SLC25A13: variants seen among roughly 807,000 people sequenced by gnomAD.
SLC25A13 encodes the protein electrogenic aspartate/glutamate antiporter SLC25A13, mitochondrial.
A neutral mutation model predicts 85.5 loss-of-function variants in SLC25A13; 70 were observed. That is an observed-to-expected ratio of 0.82 (90% CI 0.68 to 1.00). The LOEUF (loss-of-function observed/expected upper bound fraction) is 1.00. Among genes scored for constraint, SLC25A13 ranks in the 50% least tolerant of loss-of-function variants. SLC25A13 has a pLI of 0.00. For synonymous variants in SLC25A13, 259 were observed against 288.7 expected (o/e 0.90, Z 1.04); for missense variants, 765 against 819.8 (o/e 0.93, Z 0.82).
intron 3 of SLC25A13, among the ~76,000 whole-genome samples, chr7:96,252,974 A>G (rs1797492696): frequency 6.6e-6 from 1 of 152,162 alleles, no homozygotes; most frequent in African/African-American, 2.4e-5. Flanking sequence ...TGCTCCTGTT[A>G]TTCCAGCTAC....
In SLC25A13 at chr7:96,181,742, A is replaced by C. The variant is rs11981258; in HGVS notation, c.1177+2535T>G. ...TTGAGCAAAATTCTGTAATACTAAA[A>C]ACTATGCTCAATATTTAAAAACATG... On this transcript the variant is annotated intron_variant, in intron 11 of 17. Transcript: ENST00000265631. Among the ~76,000 whole-genome samples the C allele has an allele frequency of 4.4e-3, 667 of 152,306 alleles. 6 individuals carry two copies. Among genetic ancestry groups the C allele is most frequent in the African/African-American group, 0.015 (637 of 41,564 alleles).
chr7:96,289,258 C>T (rs1486181617), intron 2 of SLC25A13, among the ~76,000 whole-genome samples: 2 of 152,108 alleles, frequency 1.3e-5, no homozygotes, highest in African/African-American at 2.4e-5. Context: ...CCCATCTGTA[C>T]GTCACCATCA....
At chr7:96,299,843 C>T (rs1016478017) in intron 1 of SLC25A13, among the ~76,000 whole-genome samples, 1 of 152,168 alleles carries the variant, frequency 6.6e-6, no homozygotes, top group Non-Finnish European at 1.5e-5. Context: ...CAAATCTATA[C>T]AGCATGTTCC....
At chr7:96,293,903 C>A (rs1180936560) in intron 2 of SLC25A13, among the ~76,000 whole-genome samples, 1 of 152,088 alleles carries the variant, frequency 6.6e-6, no homozygotes, top group African/African-American at 2.4e-5. Flanking sequence ...CTAGAAATAC[C>A]ATTTGACCCA....
intron 11 of SLC25A13, among the ~76,000 whole-genome samples, chr7:96,173,594 A>C (rs1794097564): frequency 6.6e-6 from 1 of 151,944 alleles, no homozygotes; most frequent in African/African-American, 2.4e-5. Flanking sequence ...TTTATTTTTA[A>C]CAAAGAGATA....
intron 2 of SLC25A13, among the ~76,000 whole-genome samples, chr7:96,278,714 C>G (rs942977131): frequency 1.3e-5 from 2 of 152,140 alleles, no homozygotes; most frequent in African/African-American, 4.8e-5. Context: ...TATTGTCTTA[C>G]AGTTAACATT....
chr7:96,135,468 C>G (rs1327447334), intron 14 of SLC25A13, among the ~76,000 whole-genome samples: 1 of 152,212 alleles, frequency 6.6e-6, no homozygotes, highest in Non-Finnish European at 1.5e-5. Flanking sequence ...TTAGGCAATA[C>G]CTGACCTGTT....
chr7:96,217,525 A>G (rs1028766076), intron 4 of SLC25A13, among the ~76,000 whole-genome samples: 3 of 152,224 alleles, frequency 2.0e-5, no homozygotes, highest in Non-Finnish European at 2.9e-5. Flanking sequence ...TGACCTATCT[A>G]TATCTACACA....
At chr7:96,228,307 T>C (rs1161599700) in intron 4 of SLC25A13, among the ~76,000 whole-genome samples, 4 of 152,228 alleles carry the variant, frequency 2.6e-5, no homozygotes, top group South Asian at 2.1e-4. Context: ...CTGTGAAACA[T>C]ATAACCCTCA....
intron 13 of SLC25A13, among the ~76,000 whole-genome samples, chr7:96,166,057 G>A (rs1049360988): frequency 1.3e-5 from 2 of 152,228 alleles, no homozygotes; most frequent in African/African-American, 4.8e-5. Context: ...TTATAGGGGA[G>A]TGTAATTAAG....
chr7:96,316,410 G>C (rs374693317), intron 1 of SLC25A13, among the ~76,000 whole-genome samples: 5 of 152,126 alleles, frequency 3.3e-5, no homozygotes, highest in African/African-American at 1.2e-4. Flanking sequence ...GGTGTTCTAA[G>C]ATAAGAACTA....
chr7:96,243,531 C>T (rs1402793289), intron 3 of SLC25A13, among the ~76,000 whole-genome samples: 3 of 152,104 alleles, frequency 2.0e-5, no homozygotes, highest in South Asian at 2.1e-4. Flanking sequence ...GTAGAGGGGC[C>T]TAAACACTCA....
intron 15 of SLC25A13, among the ~76,000 whole-genome samples, chr7:96,128,941 TCTC>T (rs1229103522): frequency 2.0e-5 from 2 of 98,420 alleles, no homozygotes; most frequent in African/African-American, 8.9e-5. Context: ...CCTTGCTTGC[TCTC>T]TCTCTCTCTC....
chr7:96,130,450 A>G (rs189570923), intron 15 of SLC25A13, among the ~76,000 whole-genome samples: 152 of 152,324 alleles, frequency 1.0e-3, no homozygotes, highest in Non-Finnish European at 1.8e-3. Context: ...ACTCTGTAGC[A>G]GGTGCAGTTG....
chr7:96,252,261 G>A (rs910815076), intron 3 of SLC25A13, among the ~76,000 whole-genome samples: 2 of 152,096 alleles, frequency 1.3e-5, no homozygotes, highest in African/African-American at 2.4e-5. Flanking sequence ...GAGTACTGAC[G>A]ATACATATAC....
At chr7:96,225,900 C>T (rs1204485662) in intron 4 of SLC25A13, among the ~76,000 whole-genome samples, 1 of 152,114 alleles carries the variant, frequency 6.6e-6, no homozygotes, top group Non-Finnish European at 1.5e-5. Context: ...AGACTCCGCG[C>T]TTAGAACCCG....
chr7:96,311,109 G>C (rs1028702488), intron 1 of SLC25A13, among the ~76,000 whole-genome samples: 5 of 152,082 alleles, frequency 3.3e-5, no homozygotes, highest in Non-Finnish European at 7.4e-5. Flanking sequence ...ACACACAAGA[G>C]TGTGTATTTA....
intron 14 of SLC25A13, among the ~76,000 whole-genome samples, chr7:96,138,482 AC>A (rs920231803): frequency 3.2e-4 from 46 of 145,950 alleles, no homozygotes; most frequent in African/African-American, 1.1e-3. Flanking sequence ...TGCAGCCTTG[AC>A]CCCCTGGGCT....
intron 13 of SLC25A13, among the ~76,000 whole-genome samples, chr7:96,153,491 T>C (rs949805269): frequency 1.3e-5 from 2 of 152,220 alleles, no homozygotes; most frequent in African/African-American, 4.8e-5. Flanking sequence ...CAGGTGGCCA[T>C]GTGTTTAAAC....
Sources: allele counts gnomAD v4.1 joint callset (sites outside exome capture counted in the v4.1 genomes callset), GRCh38; gene constraint gnomAD v4.1.1; transcripts MANE v1.5; gene names NCBI Gene and HGNC (gene_info 2026-07-23, HGNC 2026-07-21).